Variants in SRGAP2 observed in about 807,000 individuals in gnomAD.
The protein encoded by SRGAP2 is SLIT-ROBO Rho GTPase activating protein 2.
Under a neutral mutation model 57.2 loss-of-function variants are expected in SRGAP2, and 15 were observed. That is an observed-to-expected ratio of 0.26 (90% CI 0.18 to 0.40). The LOEUF is 0.40. SRGAP2 is among the 10% of genes least tolerant of loss of function. SRGAP2 has a pLI of 1.00. For synonymous variants in SRGAP2, 249 were observed against 248.0 expected (o/e 1.00, Z -0.04); for missense variants, 520 against 669.6 (o/e 0.78, Z 2.47).
intron 4 of SRGAP2, among the ~76,000 whole-genome samples, chr1:206,356,912 C>G (rs1217249064): frequency 4.2e-5 from 6 of 142,306 alleles, no homozygotes; most frequent in Non-Finnish European, 9.0e-5. Flanking sequence ...TCCTTTTTCT[C>G]TGTTCTCTAC....
intron 4 of SRGAP2, among the ~76,000 whole-genome samples, chr1:206,371,432 A>G (rs1388024045): frequency 2.0e-5 from 3 of 152,130 alleles, no homozygotes; most frequent in Admixed American, 6.5e-5. Flanking sequence ...CAGAAACTAT[A>G]TATAAGAATA....
chr1:206,449,286 A>ATTT (rs35698284), intron 18 of SRGAP2, among the ~76,000 whole-genome samples: 224 of 110,686 alleles, frequency 2.0e-3, no homozygotes, highest in African/African-American at 7.6e-3. Flanking sequence ...ACACTGGATG[A>ATTT]TTTTTTTTTT....
chr1:206,309,812 G>A (rs1216352007), intron 3 of SRGAP2, among the ~76,000 whole-genome samples: 136 of 151,392 alleles, frequency 9.0e-4, no homozygotes, highest in Non-Finnish European at 1.4e-3. Context: ...GTGATTGTGG[G>A]AGAGATGAAA....
rs1654766903 is a variant in SRGAP2, at chr1:206,372,968, T to TCTTTCTTTC, written c.424-11045_424-11037dup. ...CTTTCTTTCTTTCTTTTCTTTCCTT[T>TCTTTCTTTC]CTTTCTTTCTTTCTTTCTTTCTTTC... On this transcript the variant is annotated intron_variant, in intron 4 of 22. Coordinates refer to ENST00000573034, the MANE Select transcript of SRGAP2 (RefSeq NM_015326.5). 5.2e-4 allele frequency among the ~76,000 whole-genome samples: 9 copies of TCTTTCTTTC among 17,268 alleles called. 2 individuals are homozygous for TCTTTCTTTC. The highest frequency in any genetic ancestry group is 1.0e-3 in the African/African-American group (4 of 3,988). The allele number at this position is 17,268 out of a possible 152,430, so 11.3% of individuals were successfully genotyped here. A position where few individuals can be genotyped will look rare whatever the true frequency, so the allele number is the denominator to read the frequency against.
rs546242878 is a variant in SRGAP2 at position 206,356,844 on chromosome 1, C to G, written c.423+13836C>G. 7.3e-3 allele frequency among the ~76,000 whole-genome samples: 1,071 copies of G among 147,014 alleles called. 15 individuals are homozygous for G. The highest frequency in any genetic ancestry group is 0.026 in the African/African-American group (1,006 of 38,692). On this transcript the variant is annotated intron_variant, in intron 4 of 22. Coordinates refer to ENST00000573034, the MANE Select transcript of SRGAP2 (RefSeq NM_015326.5). ...TTTTAGTTTTTCTACTAGATCCTAC[C>G]TTTCTTTGCTTTTAAGCCCAGCCCT...
chr1:206,431,793 T>A (rs1328365519), intron 14 of SRGAP2, among the ~76,000 whole-genome samples: 1 of 152,238 alleles, frequency 6.6e-6, no homozygotes, highest in East Asian at 1.9e-4. Flanking sequence ...TGTTTGAAGC[T>A]GGTTCAGGGA....
At chr1:206,306,165 G>A (rs1274075513) in intron 3 of SRGAP2, among the ~76,000 whole-genome samples, 1 of 152,128 alleles carries the variant, frequency 6.6e-6, no homozygotes, top group Non-Finnish European at 1.5e-5. Context: ...CGGAATTGGT[G>A]GGTTCTTGGT....
At chr1:206,278,535 T>G (rs1344585596) in intron 2 of SRGAP2, among the ~76,000 whole-genome samples, 2 of 143,660 alleles carry the variant, frequency 1.4e-5, no homozygotes, top group South Asian at 4.6e-4. Flanking sequence ...TTTTTAATTT[T>G]TATTTTTTAG....
At chr1:206,342,198 A>G (rs1571906067) in intron 3 of SRGAP2, among the ~76,000 whole-genome samples, 1 of 151,992 alleles carries the variant, frequency 6.6e-6, no homozygotes, top group African/African-American at 2.4e-5. Context: ...TTAATGGCAT[A>G]TGTCTCCAAA....
chr1:206,256,190 A>G (rs1669171471), intron 2 of SRGAP2, among the ~76,000 whole-genome samples: 1 of 151,700 alleles, frequency 6.6e-6, no homozygotes, highest in Admixed American at 6.6e-5. Context: ...AAGGTAACAG[A>G]ATGACTCTGG....
chr1:206,444,664 C>G (rs1296262438), intron 17 of SRGAP2, among the ~76,000 whole-genome samples: 1 of 152,188 alleles, frequency 6.6e-6, no homozygotes, highest in Non-Finnish European at 1.5e-5. Context: ...TCCTCCTGTC[C>G]CTCCCCAGTT....
chr1:206,303,112 G>T (rs1671971264), intron 2 of SRGAP2, among the ~76,000 whole-genome samples, 169 bp from the exon 3 acceptor site: 1 of 131,558 alleles, frequency 7.6e-6, no homozygotes, highest in Non-Finnish European at 1.6e-5. Flanking sequence ...TGGCATTTTT[G>T]GAGGTGCCTC....
At position 206,462,627 on chromosome 1, in the gene SRGAP2, G is replaced by C. The variant is rs1205929237; in HGVS notation, c.*1207G>C. On this transcript the variant is annotated 3_prime_UTR_variant, in exon 23 of 23. Transcript: ENST00000573034. Reference sequence around the variant, plus strand: ...GAGAGCCTTAGTTAGATTAAAGGGAGACCCTACCTCTTAAAACCAGTTTTC... The same window carrying C: ...GAGAGCCTTAGTTAGATTAAAGGGACACCCTACCTCTTAAAACCAGTTTTC... 6.6e-6 allele frequency: 1 copy of C among 152,192 alleles called. No homozygotes were observed. Among genetic ancestry groups the C allele is most frequent in the African/African-American group, 2.4e-5 (1 of 41,438 alleles). 9.4% of individuals were successfully genotyped at this position (152,192 alleles called of 1,614,324 possible). A position where few individuals can be genotyped will look rare whatever the true frequency, so the allele number is the denominator to read the frequency against.
chr1:206,347,502 G>A (rs547231331), intron 4 of SRGAP2, among the ~76,000 whole-genome samples: 7 of 149,294 alleles, frequency 4.7e-5, no homozygotes, highest in Admixed American at 6.6e-5. Context: ...TCTTGAACCC[G>A]GGAAGTGGAG....
At chr1:206,386,786 G>A (rs1195498621) in intron 5 of SRGAP2, among the ~76,000 whole-genome samples, 77 of 133,172 alleles carry the variant, frequency 5.8e-4, no homozygotes, top group African/African-American at 2.0e-3. Context: ...GCAACAGAGC[G>A]AGACTGTCTC....
At chr1:206,302,341 G>T (rs1307957946) in intron 2 of SRGAP2, among the ~76,000 whole-genome samples, 1 of 152,062 alleles carries the variant, frequency 6.6e-6, no homozygotes, top group East Asian at 1.9e-4. Flanking sequence ...ATGCAGTGCT[G>T]CATTTGAGGC....
At chr1:206,363,382 C>T (rs1553340970) in intron 4 of SRGAP2, among the ~76,000 whole-genome samples, 1 of 151,760 alleles carries the variant, frequency 6.6e-6, no homozygotes, top group Non-Finnish European at 1.5e-5. Context: ...AACCCAAATT[C>T]CCCAAATGTT....
intron 14 of SRGAP2, among the ~76,000 whole-genome samples, chr1:206,431,645 A>C (rs1454585066): frequency 6.6e-6 from 1 of 152,270 alleles, no homozygotes; most frequent in African/African-American, 2.4e-5. Context: ...TTCTGCCTTC[A>C]TAAACCTTAC....
intron 4 of SRGAP2, among the ~76,000 whole-genome samples, chr1:206,359,615 C>T (rs1287657177): frequency 1.3e-4 from 13 of 99,116 alleles, no homozygotes; most frequent in Non-Finnish European, 2.1e-4. Flanking sequence ...TTACAGTGTG[C>T]CTCCCATGTT....
Sources: allele counts gnomAD v4.1 joint callset (sites outside exome capture counted in the v4.1 genomes callset), GRCh38; gene constraint gnomAD v4.1.1; transcripts MANE v1.5; gene names NCBI Gene and HGNC (gene_info 2026-07-23, HGNC 2026-07-21).